The following RAB3GAP2 variants were observed in gnomAD, a reference collection of about 807,000 sequenced individuals.
The protein encoded by RAB3GAP2 is rab3 GTPase-activating protein non-catalytic subunit.
Under a neutral mutation model 185.3 loss-of-function variants are expected in RAB3GAP2, and 87 were observed. That is an observed-to-expected ratio of 0.47 (90% CI 0.39 to 0.56). The LOEUF (loss-of-function observed/expected upper bound fraction) is 0.56, where lower values mean the gene tolerates loss of function less well. Among genes scored for constraint, RAB3GAP2 ranks in the 20% least tolerant of loss-of-function variants. RAB3GAP2 has a pLI of 0.00. For synonymous variants in RAB3GAP2, 554 were observed against 576.1 expected, an observed-to-expected ratio of 0.96 and a Z score of 0.55; for missense variants, 1,492 against 1,638.2, an observed-to-expected ratio of 0.91 and a Z score of 1.54.
intron 1 of RAB3GAP2, among the ~76,000 whole-genome samples, chr1:220,240,684 C>A (rs1017524605): frequency 1.3e-5 from 2 of 151,958 alleles, no homozygotes; most frequent in Non-Finnish European, 1.5e-5. Context: ...TAAAGAGGAG[C>A]GAGATAAAGT....
In RAB3GAP2 at chr1:220,210,402, C is replaced by A; in HGVS notation, c.598G>T (p.Gly200Cys). Residue 200 changes from glycine to cysteine, a missense_variant, in exon 7 of 35, where the codon GGC (glycine) becomes TGC (cysteine). Coordinates refer to ENST00000358951, the MANE Select transcript of RAB3GAP2 (RefSeq NM_012414.4). ...TTTTACACTACCTGCTCAGTCACGC[C>A]GGGATGTCGTGGTATTTCATAGGTT... ...CRTYEIPRHP[G>C]VTEQNEELSI... is the part of the protein sequence containing the mutation. The A allele has an allele frequency of 6.2e-7, 1 of 1,613,828 alleles. No individual in the cohort carries two copies. Among genetic ancestry groups the A allele is most frequent in the Non-Finnish European group, 8.5e-7 (1 of 1,179,728 alleles).
intron 2 of RAB3GAP2, 95 bp from the exon 3 acceptor site, chr1:220,214,074 AG>A (rs1659137438): frequency 8.2e-7 from 1 of 1,221,172 alleles, no homozygotes; most frequent in South Asian, 1.3e-5. Flanking sequence ...AAGAAAAAAA[AG>A]AAAAGGAAAT....
At chr1:220,199,676 C>A (rs530517230) in intron 9 of RAB3GAP2, among the ~76,000 whole-genome samples, 96 of 152,210 alleles carry the variant, frequency 6.3e-4, no homozygotes, top group African/African-American at 2.3e-3. Context: ...ATTTGACTAC[C>A]TTAAATCTCT....
intron 30 of RAB3GAP2, 66 bp from the exon 31 acceptor site, chr1:220,157,554 A>C: frequency 6.6e-7 from 1 of 1,516,284 alleles, no homozygotes; most frequent in Non-Finnish European, 9.1e-7. Flanking sequence ...AAATATCCCA[A>C]TGAGTTTATT....
intron 12 of RAB3GAP2, 67 bp from the exon 13 acceptor site, chr1:220,193,446 G>C (rs552902249): frequency 2.0e-6 from 3 of 1,467,374 alleles, no homozygotes; most frequent in Non-Finnish European, 2.8e-6. Context: ...ACAGAATAAC[G>C]AAATGCATAA....
chr1:220,220,118 G>A (rs1659277796), intron 2 of RAB3GAP2, among the ~76,000 whole-genome samples: 1 of 152,176 alleles, frequency 6.6e-6, no homozygotes, highest in South Asian at 2.1e-4. Context: ...GCACCTCACT[G>A]CTTAAAGGTG....
In RAB3GAP2 at chr1:220,153,952, A is replaced by C. The variant is rs1221162067; in HGVS notation, c.3645+16T>G. The C allele has an allele frequency of 6.2e-7, 1 of 1,612,574 alleles. No homozygotes were observed. Among genetic ancestry groups the C allele is most frequent in the Admixed American group, 1.7e-5 (1 of 59,960 alleles). ...TTTCCAAGAAACAAAAACAAAATCC[A>C]ATAGCTATAATTTACCTGTTGTCGT... On this transcript the variant is annotated intron_variant, in intron 32 of 34. Transcript: ENST00000358951.
At chr1:220,216,232 T>C (rs1250140399) in intron 2 of RAB3GAP2, among the ~76,000 whole-genome samples, 2 of 152,196 alleles carry the variant, frequency 1.3e-5, no homozygotes, top group Non-Finnish European at 2.9e-5. Flanking sequence ...TCCCGAAAGA[T>C]AGGGAGAACA....
intron 2 of RAB3GAP2, chr1:220,219,305 C>A (rs1471455860): frequency 2.0e-5 from 3 of 152,192 alleles, no homozygotes; most frequent in Non-Finnish European, 4.4e-5. Flanking sequence ...TTAACAGAAA[C>A]AGAAGGAACT....
chr1:220,157,335 T>C lies in RAB3GAP2; in HGVS notation c.3490A>G (p.Ile1164Val). Residue 1164 changes from isoleucine (I) to valine (V), a missense_variant, in exon 31 of 35, where the codon ATC (isoleucine) becomes GTC (valine). By Grantham distance (29) the Ile-to-Val change is conservative. Transcript: ENST00000358951. The stretch of plus-strand genomic sequence containing the variant: ...GAAAACCTCATGACTGCATACAAGA[T>C]GGAGCACAGGATGGAGTGGTGCTCC... ...LVEHHSILCS[I>V]LYAVMRFSLK... 6.2e-7 allele frequency: 1 copy of C among 1,613,648 alleles called. No individual in the cohort carries two copies. Among genetic ancestry groups the C allele is most frequent in the South Asian group, 1.1e-5 (1 of 91,050 alleles).
At chr1:220,268,698 C>T (rs575903206) in intron 1 of RAB3GAP2, among the ~76,000 whole-genome samples, 6 of 152,294 alleles carry the variant, frequency 3.9e-5, no homozygotes, top group South Asian at 2.1e-4. Context: ...ACAATAATAT[C>T]AACATACATA....
At chr1:220,263,503 T>C (rs1558175553) in intron 1 of RAB3GAP2, among the ~76,000 whole-genome samples, 1 of 152,142 alleles carries the variant, frequency 6.6e-6, no homozygotes, top group Non-Finnish European at 1.5e-5. Flanking sequence ...TTCTTTTGCA[T>C]ATGGATAGCC....
At position 220,149,812 on chromosome 1, in the gene RAB3GAP2, A is replaced by T. The variant is rs1209546004; in HGVS notation, c.*1439T>A. On this transcript the variant is annotated 3_prime_UTR_variant, in exon 35 of 35. Coordinates refer to ENST00000358951, the MANE Select transcript of RAB3GAP2 (RefSeq NM_012414.4). ...AGTAATTACTAAATTTTAGCCAGTT[A>T]AATTCTTGTTTGGATGTGCTCTTTT... 1 of 152,214 alleles carries T rather than the reference A, an allele frequency of 6.6e-6. No individual in the cohort carries two copies. The highest frequency in any genetic ancestry group is 1.5e-5 in the Non-Finnish European group (1 of 68,028). 9.4% of individuals were successfully genotyped at this position (152,214 alleles called of 1,614,324 possible).
rs1211891096 is a variant in RAB3GAP2 at position 220,189,878 on chromosome 1, G to T, written c.1715-111C>A. 16 of 1,126,068 alleles carry T rather than the reference G, an allele frequency of 1.4e-5. No individual in the cohort carries two copies. In the Admixed American group the frequency reaches 3.3e-4, roughly 23 times the overall value. The allele number at this position is 1,126,068 out of a possible 1,614,324, so 69.8% of individuals were successfully genotyped here. A position where few individuals can be genotyped will look rare whatever the true frequency, so the allele number is the denominator to read the frequency against. ...TATCAGTGAGTCTAAAGGATTTTTG[G>T]GTTCTCTCACATTAATGTTTTCTTG... On this transcript the variant is annotated intron_variant, in intron 16 of 34. Coordinates refer to ENST00000358951, the MANE Select transcript of RAB3GAP2 (RefSeq NM_012414.4).
At chr1:220,264,686 G>A (rs1320622753) in intron 1 of RAB3GAP2, among the ~76,000 whole-genome samples, 1 of 151,946 alleles carries the variant, frequency 6.6e-6, no homozygotes, top group Non-Finnish European at 1.5e-5. Context: ...ACTATTTGCA[G>A]CTTTCTGAAT....
intron 2 of RAB3GAP2, among the ~76,000 whole-genome samples, chr1:220,223,068 C>T (rs1416808725): frequency 6.6e-6 from 1 of 152,086 alleles, no homozygotes; most frequent in Non-Finnish European, 1.5e-5. Flanking sequence ...TTTGAGTCAG[C>T]GTCTCGCTCT....
chr1:220,195,140 G>A lies in RAB3GAP2; in HGVS notation c.1068C>T (p.His356=), dbSNP rs768195219. The A allele has an allele frequency of 3.3e-5, 54 of 1,613,934 alleles. No individual in the cohort carries two copies. Among genetic ancestry groups the A allele is most frequent in the Non-Finnish European group, 4.1e-5 (48 of 1,179,996 alleles). Residue 356 remains histidine, a synonymous_variant, in exon 12 of 35, where the codon CAC becomes CAT. Coordinates refer to ENST00000358951, the MANE Select transcript of RAB3GAP2 (RefSeq NM_012414.4). The part of the protein sequence containing the change: ...ASGWLGWKSK[H]EEEAVQKQKP... Reference sequence around the variant, plus strand: ...TTTGCTTTTGGACAGCTTCTTCTTCGTGCTTACTTTTCCAACCAAGCCAAC... The same window carrying A: ...TTTGCTTTTGGACAGCTTCTTCTTCATGCTTACTTTTCCAACCAAGCCAAC...
At chr1:220,235,539 G>A (rs377652409) in intron 1 of RAB3GAP2, among the ~76,000 whole-genome samples, 3 of 152,190 alleles carry the variant, frequency 2.0e-5, no homozygotes, top group African/African-American at 7.2e-5. Context: ...CAGGAAGGCT[G>A]TAATCATTCA....
At chr1:220,217,172 C>T (rs1659216020) in intron 2 of RAB3GAP2, among the ~76,000 whole-genome samples, 1 of 152,088 alleles carries the variant, frequency 6.6e-6, no homozygotes, top group Non-Finnish European at 1.5e-5. Flanking sequence ...CACTCTATCA[C>T]CCTGCTCATC....
Sources: gnomAD v4.1 joint callset for allele counts (sites outside exome capture counted in the v4.1 genomes callset) on GRCh38, gnomAD v4.1.1 for gene constraint, MANE v1.5 for transcripts, NCBI Gene and HGNC (gene_info 2026-07-23, HGNC 2026-07-21) for gene names.